Variants in VPS13C observed in about 807,000 individuals in gnomAD.
VPS13C encodes intermembrane lipid transfer protein VPS13C.
VPS13C carries 358 observed loss-of-function variants against 456.8 expected under a neutral mutation model. The observed-to-expected ratio is 0.78, with a 90% CI of 0.72 to 0.86. The LOEUF is 0.86. VPS13C is among the 40% of genes least tolerant of loss of function. The probability of loss-of-function intolerance (pLI) is 0.00; values close to 1 mark genes in which losing one functional copy is unlikely to be tolerated. For missense variants in VPS13C, 4,818 were observed against 4,385.4 expected (o/e 1.10, Z -2.79); for synonymous variants, 1,578 against 1,486.7 (o/e 1.06, Z -1.41).
Position 61,954,482 on chromosome 15 carries a change from C to A in VPS13C, c.4238G>T (p.Gly1413Val). The A allele has an allele frequency of 6.2e-7, 1 of 1,609,772 alleles. No homozygotes were observed. Among genetic ancestry groups the A allele is most frequent in the Non-Finnish European group, 8.5e-7 (1 of 1,178,268 alleles). Residue 1413 changes from glycine to valine, a missense_variant, in exon 38 of 85, where the codon GGA (glycine) becomes GTA (valine). This residue lies in a region of VPS13C where 4,552 missense variants were observed against 4,130.6 expected (regional missense o/e 1.10). Coordinates refer to ENST00000644861, the MANE Select transcript of VPS13C (RefSeq NM_020821.3). ...VHDSKNTLTTGVEEIRSVDII... is the reference protein window; with the variant it reads ...VHDSKNTLTTVVEEIRSVDII... ...GTCTACAGACCTAATTTCTTCCACT[C>A]CAGTTGTTAAAGTATTTTTTGAATC... is the stretch of plus-strand genomic sequence containing the variant.
intron 9 of VPS13C, among the ~76,000 whole-genome samples, chr15:62,016,476 G>C (rs2047253562): frequency 7.4e-6 from 1 of 135,018 alleles, no homozygotes; most frequent in Non-Finnish European, 1.5e-5. Flanking sequence ...CTGTGTCCAA[G>C]TGTTCTCATT....
At chr15:61,872,970 T>C (rs868576638) in intron 78 of VPS13C, among the ~76,000 whole-genome samples, 1 of 152,188 alleles carries the variant, frequency 6.6e-6, no homozygotes, top group Middle Eastern at 3.4e-3. Context: ...CTAGTTTCCA[T>C]AGGTACCATG....
chr15:61,959,669 C>A, intron 35 of VPS13C, 74 bp from the exon 36 acceptor site: 2 of 1,479,668 alleles, frequency 1.4e-6, no homozygotes, highest in South Asian at 2.6e-5. Context: ...AAAGCAAAGT[C>A]AAGCAGTTAT....
intron 72 of VPS13C, 56 bp from the exon 73 acceptor site, chr15:61,880,778 G>A (rs3809516): frequency 5.6e-5 from 86 of 1,538,922 alleles, no homozygotes; most frequent in East Asian, 1.8e-4. Context: ...ATTAGAATTC[G>A]TTCAAAAGAG....
intron 18 of VPS13C, among the ~76,000 whole-genome samples, chr15:61,987,644 G>A (rs1339395206): frequency 2.0e-5 from 3 of 152,088 alleles, no homozygotes; most frequent in African/African-American, 4.8e-5. Flanking sequence ...AAACCTAACC[G>A]TATAAACATC....
chr15:61,892,913 T>G (rs574035787), intron 66 of VPS13C, among the ~76,000 whole-genome samples: 39 of 152,266 alleles, frequency 2.6e-4, no homozygotes, highest in Non-Finnish European at 3.8e-4. Context: ...CAGTTAGCTC[T>G]AAGACAGGCT....
At chr15:62,055,558 T>C (rs1459188796) in intron 1 of VPS13C, among the ~76,000 whole-genome samples, 1 of 151,838 alleles carries the variant, frequency 6.6e-6, no homozygotes, top group Non-Finnish European at 1.5e-5. Context: ...CTTTTTTAAT[T>C]GTAAATTTCA....
chr15:61,894,923 C>T (rs1270631247), intron 66 of VPS13C, among the ~76,000 whole-genome samples: 1 of 152,162 alleles, frequency 6.6e-6, no homozygotes, highest in Admixed American at 6.5e-5. Context: ...CATCCGACTG[C>T]TGCAGAATAC....
chr15:61,881,094 C>G (rs1895815710), intron 71 of VPS13C, 140 bp from the exon 72 acceptor site: 2 of 702,736 alleles, frequency 2.8e-6, no homozygotes, highest in Non-Finnish European at 4.5e-6. Context: ...AGATCAAAGT[C>G]TTCTTAGATT....
Position 61,964,816 on chromosome 15 carries a change from C to A in VPS13C, c.3097G>T (p.Val1033Phe), listed in dbSNP as rs1198000759. ...LNLLLQTQAL[V>F]ASINYLTTII... ...GTTGTGAGGTAATTAATAGAAGCGA[C>A]AAGAGCTTGTGTTTGCAGCAACAGA... is the stretch of plus-strand genomic sequence containing the variant. The change falls in exon 31 of 85, where the codon GTC (valine) becomes TTC (phenylalanine). Residue 1033 changes from valine to phenylalanine, a missense_variant. Coordinates refer to ENST00000644861, the MANE Select transcript of VPS13C (RefSeq NM_020821.3). The A allele has an allele frequency of 6.2e-7, 1 of 1,611,106 alleles. No homozygotes were observed. The highest frequency in any genetic ancestry group is 8.5e-7 in the Non-Finnish European group (1 of 1,178,688).
intron 52 of VPS13C, among the ~76,000 whole-genome samples, chr15:61,926,223 A>AC (rs902176531): frequency 6.6e-6 from 1 of 151,936 alleles, no homozygotes; most frequent in Non-Finnish European, 1.5e-5. Context: ...ATATAGCAAG[A>AC]CCCCCTTCTC....
intron 10 of VPS13C, 122 bp from the exon 11 acceptor site, chr15:62,013,241 G>A: frequency 1.8e-6 from 1 of 547,814 alleles, no homozygotes; most frequent in Non-Finnish European, 3.0e-6. Context: ...AATTTTTAAA[G>A]GAAAGAAAAT....
At position 61,964,851 on chromosome 15, in the gene VPS13C, G is replaced by T; in HGVS notation, c.3062C>A (p.Ser1021Ter). 6.3e-7 allele frequency: 1 copy of T among 1,598,324 alleles called. No individual in the cohort carries two copies. The highest frequency in any genetic ancestry group is 1.1e-5 in the South Asian group (1 of 87,652). Residue 1021 changes from serine (S) to a stop codon, truncating the protein, a stop_gained, in exon 31 of 85, where the codon TCA becomes TAA. Transcript: ENST00000644861. LOFTEE classifies it high-confidence loss of function. ...KTEQTVKVAF[S>*]SLNLLLQTQA... Reference sequence around the variant, plus strand: ...TGTTTGCAGCAACAGATTTAAAGATGAAAAGGCCACCTAAAAATGTTTTAA... The same window carrying T: ...TGTTTGCAGCAACAGATTTAAAGATTAAAAGGCCACCTAAAAATGTTTTAA...
intron 5 of VPS13C, among the ~76,000 whole-genome samples, chr15:62,030,382 G>T (rs2047772832): frequency 6.6e-6 from 1 of 151,984 alleles, no homozygotes; most frequent in Non-Finnish European, 1.5e-5. Flanking sequence ...GGATCATTGG[G>T]GTGGGTCCCT....
intron 46 of VPS13C, 55 bp downstream of exon 46, chr15:61,941,699 GGTAAAAATT>G: frequency 6.8e-7 from 1 of 1,475,738 alleles, no homozygotes; most frequent in South Asian, 1.4e-5. Context: ...TTTTACCTTA[GGTAAAAATT>G]GTATGAAAAT....
intron 35 of VPS13C, among the ~76,000 whole-genome samples, chr15:61,960,219 C>T (rs955838935): frequency 1.3e-5 from 2 of 152,096 alleles, no homozygotes; most frequent in Non-Finnish European, 2.9e-5. Context: ...TCAGACACAA[C>T]CAAATTGAGA....
At chr15:62,049,613 A>T (rs2048552683) in intron 1 of VPS13C, among the ~76,000 whole-genome samples, 1 of 152,184 alleles carries the variant, frequency 6.6e-6, no homozygotes, top group Non-Finnish European at 1.5e-5. Flanking sequence ...TATGAACTTT[A>T]AAGTAGTTTT....
intron 47 of VPS13C, among the ~76,000 whole-genome samples, chr15:61,940,428 AT>A (rs2044381141): frequency 6.6e-6 from 1 of 152,174 alleles, no homozygotes; most frequent in African/African-American, 2.4e-5. Context: ...TTATTTATTT[AT>A]TTTTGTTGTT....
chr15:62,044,263 AAAAGAAAAC>A lies in VPS13C; in HGVS notation c.101-17_101-9del. 6.9e-7 allele frequency: 1 copy of A among 1,447,978 alleles called. No individual in the cohort carries two copies. The highest frequency in any genetic ancestry group is 9.5e-7 in the Non-Finnish European group (1 of 1,052,034). 89.7% of individuals were successfully genotyped at this position (1,447,978 alleles called of 1,614,324 possible). ...TATCTAAAGCCACATTTCCTTTAAA[AAAAGAAAAC>A]AAAGAAAAATATTACTATAACATAC... On this transcript the variant is annotated splice_polypyrimidine_tract_variant and intron_variant, in intron 1 of 84. Transcript: ENST00000644861.
Sources: gnomAD v4.1 joint callset for allele counts (sites outside exome capture counted in the v4.1 genomes callset) on GRCh38, gnomAD v4.1.1 for gene constraint, gnomAD v4.1.1 regional missense constraint, MANE v1.5 for transcripts, NCBI Gene and HGNC (gene_info 2026-07-23, HGNC 2026-07-21) for gene names.